Variants in FYB1 observed in about 807,000 individuals in gnomAD.
The protein encoded by FYB1 is FYN-binding protein 1.
In FYB1, 41 loss-of-function variants were observed where a neutral mutation model predicts 94.1. That is an observed-to-expected ratio of 0.44 (90% CI 0.34 to 0.57). FYB1 has a LOEUF of 0.57. FYB1 is among the 20% of genes least tolerant of loss of function. The pLI is 0.02. For missense variants in FYB1, 1,050 were observed against 976.8 expected (o/e 1.07, Z -1.00); for synonymous variants, 367 against 353.2 (o/e 1.04, Z -0.44).
intron 1 of FYB1, among the ~76,000 whole-genome samples, chr5:39,269,156 T>C (rs983600824): frequency 1.3e-5 from 2 of 150,448 alleles, no homozygotes; most frequent in Non-Finnish European, 3.0e-5. Flanking sequence ...TTCACACCAT[T>C]CTCCTGCCTC....
intron 2 of FYB1, among the ~76,000 whole-genome samples, chr5:39,164,218 C>T (rs1345315701): frequency 2.0e-5 from 3 of 152,022 alleles, no homozygotes; most frequent in Non-Finnish European, 2.9e-5. Flanking sequence ...GCTGGGAGCA[C>T]GTGACCATGG....
intron 1 of FYB1, among the ~76,000 whole-genome samples, chr5:39,238,086 ACAC>A (rs1751048289): frequency 6.6e-6 from 1 of 152,084 alleles, no homozygotes; most frequent in African/African-American, 2.4e-5. Context: ...ATACAAATGA[ACAC>A]CACCATGTGA....
chr5:39,113,853 TAAA>T (rs1739290778), intron 16 of FYB1, among the ~76,000 whole-genome samples: 1 of 152,008 alleles, frequency 6.6e-6, no homozygotes, highest in Admixed American at 6.6e-5. Context: ...CATAGTATAA[TAAA>T]AGAAAAAACA....
chr5:39,110,423 A>T, intron 16 of FYB1, 34 bp from the exon 17 acceptor site: 1 of 1,440,984 alleles, frequency 6.9e-7, no homozygotes, highest in Non-Finnish European at 9.6e-7. Context: ...TTGTATCAAT[A>T]ATACAGGTTG....
intron 1 of FYB1, among the ~76,000 whole-genome samples, chr5:39,248,008 G>T (rs988978299): frequency 6.6e-6 from 1 of 151,952 alleles, no homozygotes; most frequent in Non-Finnish European, 1.5e-5. Flanking sequence ...TTACTCAAGT[G>T]TAATAAGAAG....
chr5:39,148,150 AT>A lies in FYB1; in HGVS notation c.1292+5297del, dbSNP rs754604795. ...TTATCATTATATGTATATTATATGT[AT>A]TTTTTATATATATATATATATATAT... On this transcript the variant is annotated intron_variant, in intron 3 of 18. Coordinates refer to ENST00000512982, the MANE Select transcript of FYB1 (RefSeq NM_001465.6). 5.2e-4 allele frequency among the ~76,000 whole-genome samples: 32 copies of A among 61,886 alleles called. 1 individual carries two copies. Among genetic ancestry groups the A allele is most frequent in the Non-Finnish European group, 5.6e-4 (21 of 37,490 alleles). 40.6% of individuals were successfully genotyped at this position (61,886 alleles called of 152,430 possible). A position where few individuals can be genotyped will look rare whatever the true frequency, so the allele number is the denominator to read the frequency against.
intron 1 of FYB1, among the ~76,000 whole-genome samples, chr5:39,251,734 A>G (rs995448004): frequency 4.6e-5 from 7 of 152,200 alleles, no homozygotes; most frequent in African/African-American, 1.4e-4. Flanking sequence ...ATACATGGAT[A>G]AGGACATCAG....
rs74707411 is a variant in FYB1 at position 39,133,857 on chromosome 5, C to T, written c.1817+351G>A. Among the ~76,000 whole-genome samples, 1,684 of 152,064 alleles carry T rather than the reference C, an allele frequency of 0.011. 79 individuals carry two copies. The East Asian group carries it at 0.15, about 13-fold the overall frequency. ...TCAGAGATTTATGAGAAAAAATGGG[C>T]TAAATTTTATATTTTATGCTTCATA... On this transcript the variant is annotated intron_variant, in intron 9 of 18. Coordinates refer to ENST00000512982, the MANE Select transcript of FYB1 (RefSeq NM_001465.6).
intron 2 of FYB1, among the ~76,000 whole-genome samples, chr5:39,181,101 T>C (rs1746180781): frequency 6.6e-6 from 1 of 152,182 alleles, no homozygotes; most frequent in African/African-American, 2.4e-5. Flanking sequence ...GAACTCATGA[T>C]ACATATGGAT....
chr5:39,137,880 T>C (rs1383696361), intron 6 of FYB1, 160 bp from the exon 7 acceptor site: 2 of 886,860 alleles, frequency 2.3e-6, no homozygotes, highest in Non-Finnish European at 3.4e-6. Context: ...TGTGAGATTA[T>C]TTTTAAAACC....
At chr5:39,198,168 C>T (rs1337738602) in intron 2 of FYB1, among the ~76,000 whole-genome samples, 1 of 152,040 alleles carries the variant, frequency 6.6e-6, no homozygotes, top group Non-Finnish European at 1.5e-5. Context: ...AATGTGCTGG[C>T]GAAGTAGGTG....
chr5:39,185,434 G>A (rs1561229590), intron 2 of FYB1, among the ~76,000 whole-genome samples: 1 of 150,582 alleles, frequency 6.6e-6, no homozygotes, highest in African/African-American at 2.4e-5. Context: ...AAAGTTCCCA[G>A]TCAAGATGGT....
chr5:39,160,822 C>A (rs149272486), intron 2 of FYB1, among the ~76,000 whole-genome samples: 1 of 152,162 alleles, frequency 6.6e-6, no homozygotes, highest in East Asian at 1.9e-4. Context: ...ATGGGATAGG[C>A]GCTTTAAAGA....
chr5:39,182,807 G>T (rs150841484), intron 2 of FYB1, among the ~76,000 whole-genome samples: 1 of 152,136 alleles, frequency 6.6e-6, no homozygotes, highest in Non-Finnish European at 1.5e-5. Flanking sequence ...TGCCCTGCAC[G>T]GCATTTGTGC....
chr5:39,172,418 G>A (rs1218968138), intron 2 of FYB1, among the ~76,000 whole-genome samples: 1 of 150,880 alleles, frequency 6.6e-6, no homozygotes, highest in Non-Finnish European at 1.5e-5. Context: ...TCCATGCTAG[G>A]ATGGGCGACA....
intron 2 of FYB1, among the ~76,000 whole-genome samples, chr5:39,164,352 T>A (rs908519710): frequency 2.0e-5 from 3 of 152,194 alleles, no homozygotes; most frequent in African/African-American, 7.2e-5. Context: ...TGTTGGCAAC[T>A]ATTAAAACAA....
At chr5:39,273,138 G>T (rs1408467495) in intron 1 of FYB1, among the ~76,000 whole-genome samples, 1 of 152,184 alleles carries the variant, frequency 6.6e-6, no homozygotes, top group Non-Finnish European at 1.5e-5. Flanking sequence ...CCGTCTGGGA[G>T]GTGTACCCAA....
At chr5:39,246,662 A>G (rs1161929206) in intron 1 of FYB1, among the ~76,000 whole-genome samples, 2 of 152,200 alleles carry the variant, frequency 1.3e-5, no homozygotes, top group East Asian at 3.9e-4. Flanking sequence ...TGAAAATTAA[A>G]AGTCCACAGG....
Position 39,119,646 on chromosome 5 carries a change from G to T in FYB1, c.2139-12C>A. On this transcript the variant is annotated splice_polypyrimidine_tract_variant and intron_variant, in intron 14 of 18. Transcript: ENST00000512982. ...CATTAGTTCCTTGACTAGAACGGCA[G>T]AACACACATAAAACAACACTTTGTT... The T allele has an allele frequency of 6.6e-7, 1 of 1,505,314 alleles. No homozygotes were observed. 93.2% of individuals were successfully genotyped at this position (1,505,314 alleles called of 1,614,324 possible). A position where few individuals can be genotyped will look rare whatever the true frequency, so the allele number is the denominator to read the frequency against.
Sources: allele counts gnomAD v4.1 joint callset (sites outside exome capture counted in the v4.1 genomes callset), GRCh38; gene constraint gnomAD v4.1.1; transcripts MANE v1.5; gene names NCBI Gene and HGNC (gene_info 2026-07-23, HGNC 2026-07-21).